The following EPB41L4A variants were observed in gnomAD, a reference collection of about 807,000 sequenced individuals.
EPB41L4A encodes the protein erythrocyte membrane protein band 4.1 like 4A, also known as band 4.1-like protein 4A.
EPB41L4A carries 100 observed loss-of-function variants against 108.6 expected under a neutral mutation model. The observed-to-expected ratio is 0.92, with a 90% confidence interval of 0.78 to 1.09. The LOEUF (loss-of-function observed/expected upper bound fraction) is 1.09, where lower values mean the gene tolerates loss of function less well. Ranked by LOEUF, EPB41L4A falls within the 50% of genes least tolerant of loss-of-function variation. The probability of loss-of-function intolerance (pLI) is 0.00; values close to 1 mark genes in which losing one functional copy is unlikely to be tolerated. For missense variants in EPB41L4A, 1,030 were observed against 842.7 expected (o/e 1.22, Z -2.75); for synonymous variants, 319 against 289.0 (o/e 1.10, Z -1.05).
intron 1 of EPB41L4A, among the ~76,000 whole-genome samples, chr5:112,354,217 C>T (rs1241946846): frequency 2.6e-5 from 4 of 152,088 alleles, no homozygotes; most frequent in East Asian, 3.9e-4. Flanking sequence ...ATTATACGTT[C>T]CTCATCATTA....
At chr5:112,148,092 T>TATAATATAATAGTATTATTATATAATATA (rs1759330318) in intron 12 of EPB41L4A, among the ~76,000 whole-genome samples, 1 of 126,748 alleles carries the variant, frequency 7.9e-6, no homozygotes, top group African/African-American at 4.3e-5. Flanking sequence ...ATAGTATTAC[T>TATAATATAATAGTATTATTATATAATATA]ATAATATAAT....
At chr5:112,203,830 T>G (rs893338509) in intron 15 of EPB41L4A, among the ~76,000 whole-genome samples, 4 of 151,934 alleles carry the variant, frequency 2.6e-5, no homozygotes, top group African/African-American at 9.7e-5. Context: ...TCACCTGAGG[T>G]TGGGAGTTCG....
intron 1 of EPB41L4A, among the ~76,000 whole-genome samples, chr5:112,360,353 C>G (rs1034827949): frequency 6.6e-6 from 1 of 152,228 alleles, no homozygotes; most frequent in African/African-American, 2.4e-5. Flanking sequence ...GCCGCCATCT[C>G]GGCTCACCGC....
At chr5:112,309,740 G>T (rs1276763495) in intron 1 of EPB41L4A, among the ~76,000 whole-genome samples, 4 of 152,148 alleles carry the variant, frequency 2.6e-5, no homozygotes, top group South Asian at 2.1e-4. Flanking sequence ...AATCAAATGG[G>T]CTCTAAAAAG....
chr5:112,339,484 A>ATCTATATC (rs1554099994), intron 1 of EPB41L4A, among the ~76,000 whole-genome samples: 1 of 35,304 alleles, frequency 2.8e-5, no homozygotes, highest in African/African-American at 8.1e-5. Flanking sequence ...CTATATATAT[A>ATCTATATC]TATATATATA....
At chr5:112,339,682 C>T (rs1483561119) in intron 1 of EPB41L4A, among the ~76,000 whole-genome samples, 2 of 151,548 alleles carry the variant, frequency 1.3e-5, no homozygotes, top group Non-Finnish European at 2.9e-5. Context: ...TACAGGCACA[C>T]GTCACCATGC....
intron 1 of EPB41L4A, among the ~76,000 whole-genome samples, chr5:112,403,018 AC>A (rs199811710): frequency 7.8e-6 from 1 of 127,488 alleles, no homozygotes; most frequent in African/African-American, 5.2e-5. Flanking sequence ...ACACACACAC[AC>A]AAAACCCTCA....
chr5:112,325,246 C>A (rs1180085141), intron 1 of EPB41L4A, among the ~76,000 whole-genome samples: 2 of 152,020 alleles, frequency 1.3e-5, no homozygotes, highest in Non-Finnish European at 2.9e-5. Context: ...TCAGGACCAT[C>A]CTGGCTAACA....
downstream of EPB41L4A, chr5:112,161,345 A>C (rs1315945618): frequency 1.5e-5 from 6 of 394,604 alleles, no homozygotes; most frequent in African/African-American, 1.2e-4. Context: ...AACGCATCGC[A>C]TTTCACTTTT....
chr5:112,195,853 C>T (rs1014695990), intron 15 of EPB41L4A, 145 bp from the exon 16 acceptor site: 2 of 685,220 alleles, frequency 2.9e-6, no homozygotes, highest in African/African-American at 1.8e-5. Context: ...ATGTATATGC[C>T]TAACCCTACA....
intron 1 of EPB41L4A, among the ~76,000 whole-genome samples, chr5:112,325,180 G>A (rs1756065528): frequency 6.6e-6 from 1 of 152,160 alleles, no homozygotes; most frequent in South Asian, 2.1e-4. Context: ...GGTGGCTCAC[G>A]CCTGTAATCC....
intron 22 of EPB41L4A, among the ~76,000 whole-genome samples, chr5:112,166,019 TGA>T (rs1164628737): frequency 5.3e-5 from 8 of 152,150 alleles, no homozygotes; most frequent in Admixed American, 2.6e-4. Context: ...CCAGTGAATG[TGA>T]GAGGAGAATA....
intron 1 of EPB41L4A, among the ~76,000 whole-genome samples, chr5:112,399,196 G>A (rs570021962): frequency 7.3e-5 from 11 of 151,600 alleles, no homozygotes; most frequent in African/African-American, 2.4e-4. Flanking sequence ...CAGCCACACT[G>A]GGTTCTTTCT....
intron 1 of EPB41L4A, among the ~76,000 whole-genome samples, chr5:112,385,127 C>T (rs1760425907): frequency 2.0e-5 from 3 of 152,198 alleles, no homozygotes; most frequent in Admixed American, 2.0e-4. Context: ...AGTACTCCCT[C>T]CTCAGCCTAC....
intron 1 of EPB41L4A, among the ~76,000 whole-genome samples, chr5:112,412,668 C>T (rs712676): frequency 2.6e-5 from 4 of 152,138 alleles, no homozygotes; most frequent in African/African-American, 9.7e-5. Context: ...GGTGCAGAAA[C>T]AAACGGTGGT....
At chr5:112,195,735 G>T in intron 15 of EPB41L4A, 27 bp from the exon 16 acceptor site, 1 of 1,597,966 alleles carries the variant, frequency 6.3e-7, no homozygotes, top group Non-Finnish European at 8.6e-7. Context: ...AGACATTTAA[G>T]AAAACAGGAG....
intron 1 of EPB41L4A, among the ~76,000 whole-genome samples, chr5:112,364,040 T>C (rs1015342392): frequency 2.0e-4 from 30 of 147,130 alleles, no homozygotes; most frequent in East Asian, 4.2e-4. Flanking sequence ...TTCATTCATT[T>C]ATTTTTAGAC....
At chr5:112,156,956 T>C (rs1020611948) in intron 12 of EPB41L4A, among the ~76,000 whole-genome samples, 2 of 152,122 alleles carry the variant, frequency 1.3e-5, no homozygotes, top group Admixed American at 6.5e-5. Flanking sequence ...GGGACAGTAA[T>C]AGCCAAGACT....
intron 1 of EPB41L4A, among the ~76,000 whole-genome samples, chr5:112,389,984 CA>C (rs1760825496): frequency 6.6e-6 from 1 of 152,136 alleles, no homozygotes; most frequent in Non-Finnish European, 1.5e-5. Context: ...GCCAAACTTC[CA>C]AAAACTAAGC....
Sources: allele counts gnomAD v4.1 joint callset (sites outside exome capture counted in the v4.1 genomes callset), GRCh38; gene constraint gnomAD v4.1.1; transcripts MANE v1.5; gene names NCBI Gene and HGNC (gene_info 2026-07-23, HGNC 2026-07-21).